NINJ2: variants seen among roughly 807,000 people sequenced by gnomAD.
The protein encoded by NINJ2 is ninjurin 2, also known as ninjurin-2.
NINJ2 carries 12 observed loss-of-function variants against 11.7 expected under a neutral mutation model. The ratio of observed to expected loss-of-function variants is 1.02; its 90% CI spans 0.66 to 1.66. The LOEUF (loss-of-function observed/expected upper bound fraction) is 1.66. NINJ2 is among the 40% of genes most tolerant of loss of function. NINJ2 has a pLI of 0.00. For missense variants in NINJ2, 187 were observed against 181.8 expected, an observed-to-expected ratio of 1.03 and a Z score of -0.16; for synonymous variants, 93 against 76.8, an observed-to-expected ratio of 1.21 and a Z score of -1.10.
At chr12:607,351 GGATGATGAT>G (rs10592628) in intron 1 of NINJ2, among the ~76,000 whole-genome samples, 11 of 150,694 alleles carry the variant, frequency 7.3e-5, no homozygotes, top group Non-Finnish European at 1.0e-4. Flanking sequence ...ACTCTGTAAG[GGATGATGAT>G]GATGATGATG....
At chr12:572,572 G>A (rs548641286) in intron 1 of NINJ2, among the ~76,000 whole-genome samples, 2 of 152,190 alleles carry the variant, frequency 1.3e-5, no homozygotes, top group South Asian at 2.1e-4. Context: ...CACTTGGGAA[G>A]GGTGCCTGGG....
chr12:585,524 AGGGAACGG>A lies in NINJ2; in HGVS notation c.34-19354_34-19347del, dbSNP rs1383601221. Among the ~76,000 whole-genome samples, 7 of 149,718 alleles carry A rather than the reference AGGGAACGG, an allele frequency of 4.7e-5. No homozygotes were observed. The highest frequency in any genetic ancestry group is 7.3e-5 in the African/African-American group (3 of 40,866). ...GAAGGGAACGGTTGGAGGGAAGGGA[AGGGAACGG>A]TTGGAGGGAAGGGAAGGGAACGGTT... On this transcript the variant is annotated intron_variant, in intron 1 of 3. Transcript: ENST00000305108. This position sits in a 1 kb window ranked among gnomAD's most constrained non-coding sequence, Gnocchi z 4.1.
chr12:587,984 G>A (rs1186286168), intron 1 of NINJ2, among the ~76,000 whole-genome samples: 1 of 151,792 alleles, frequency 6.6e-6, no homozygotes, highest in Non-Finnish European at 1.5e-5. Flanking sequence ...TCCATGAAGG[G>A]AGGGGACGAC....
chr12:589,851 T>C (rs1184754864), intron 1 of NINJ2, among the ~76,000 whole-genome samples: 1 of 151,900 alleles, frequency 6.6e-6, no homozygotes, highest in Non-Finnish European at 1.5e-5. Flanking sequence ...GGGGGGATTG[T>C]CTCCTGGACT....
chr12:618,334 TTGG>T (rs1948117791), intron 1 of NINJ2, among the ~76,000 whole-genome samples: 2 of 13,536 alleles, frequency 1.5e-4, no homozygotes, highest in Non-Finnish European at 2.8e-4. Flanking sequence ...GGGTGAGGAG[TTGG>T]TAATAAGGTG....
chr12:657,424 T>C (rs1002049873), intron 1 of NINJ2, among the ~76,000 whole-genome samples: 63 of 151,998 alleles, frequency 4.1e-4, no homozygotes, highest in African/African-American at 1.2e-3. Context: ...CCCGCCTCTA[T>C]TAAAAATACA....
chr12:650,151 C>T (rs570390076), intron 1 of NINJ2, among the ~76,000 whole-genome samples: 1 of 150,180 alleles, frequency 6.7e-6, no homozygotes, highest in Admixed American at 6.7e-5. Flanking sequence ...GTGGTGTGAT[C>T]TCAGCTCACT....
chr12:604,757 C>T (rs540648187), intron 1 of NINJ2, among the ~76,000 whole-genome samples: 1 of 152,268 alleles, frequency 6.6e-6, no homozygotes, highest in South Asian at 2.1e-4. Context: ...GAGGTAGGGA[C>T]GAGGTACAGA....
chr12:604,495 G>A (rs573347757), intron 1 of NINJ2, among the ~76,000 whole-genome samples: 54 of 152,198 alleles, frequency 3.5e-4, no homozygotes, highest in African/African-American at 1.0e-3. Flanking sequence ...AAAATTAGCC[G>A]GGCGTGGTGG....
intron 1 of NINJ2, among the ~76,000 whole-genome samples, chr12:608,462 A>C (rs1947967440): frequency 6.6e-6 from 1 of 152,248 alleles, no homozygotes; most frequent in South Asian, 2.1e-4. Context: ...CATGAGGTCA[A>C]ATACAATTGC....
At chr12:643,699 G>A (rs1937630263) in intron 1 of NINJ2, 1 of 987,968 alleles carries the variant, frequency 1.0e-6, no homozygotes, top group African/African-American at 1.7e-5. Context: ...ACCGCAACGA[G>A]TCTGCCATCA....
At chr12:587,284 G>C (rs1947652583) in intron 1 of NINJ2, among the ~76,000 whole-genome samples, 1 of 152,208 alleles carries the variant, frequency 6.6e-6, no homozygotes, top group Non-Finnish European at 1.5e-5. Context: ...CCCTCCACAG[G>C]AAGCAGGCCC....
intron 1 of NINJ2, among the ~76,000 whole-genome samples, chr12:652,258 G>T (rs1937806439): frequency 6.6e-6 from 1 of 152,198 alleles, no homozygotes; most frequent in South Asian, 2.1e-4. Context: ...AGAAGAAAGT[G>T]GAGTGAAATC....
intron 1 of NINJ2, among the ~76,000 whole-genome samples, chr12:595,507 G>A (rs756641188): frequency 6.6e-6 from 1 of 152,234 alleles, no homozygotes; most frequent in Admixed American, 6.5e-5. Flanking sequence ...AGGCGTGGTG[G>A]CTCACGACTG....
intron 1 of NINJ2, among the ~76,000 whole-genome samples, chr12:596,940 A>T (rs925178979): frequency 1.3e-5 from 2 of 152,074 alleles, no homozygotes; most frequent in Non-Finnish European, 2.9e-5. Flanking sequence ...AAACAAAAAA[A>T]AATGGCAGAA....
chr12:623,910 C>G (rs571133729), intron 1 of NINJ2, among the ~76,000 whole-genome samples: 2 of 152,210 alleles, frequency 1.3e-5, no homozygotes, highest in South Asian at 4.2e-4. Flanking sequence ...TGTGCACACG[C>G]CTGTAGTCCC....
At chr12:625,819 A>C (rs1199592864) in intron 1 of NINJ2, among the ~76,000 whole-genome samples, 1 of 152,220 alleles carries the variant, frequency 6.6e-6, no homozygotes, top group East Asian at 1.9e-4. Flanking sequence ...GGAACGGATA[A>C]GCAATTTTTA....
intron 1 of NINJ2, among the ~76,000 whole-genome samples, chr12:587,177 G>T (rs1947650802): frequency 6.6e-6 from 1 of 152,194 alleles, no homozygotes. Context: ...CTAGAGTCCT[G>T]ATCTGGGTCA....
intron 1 of NINJ2, among the ~76,000 whole-genome samples, chr12:583,657 G>A (rs758793): frequency 0.27 from 41,087 of 152,154 alleles, 5,897 homozygotes; most frequent in South Asian, 0.37. Context: ...CCAACCCTGA[G>A]CCCAACCAAA....
Sources: allele counts gnomAD v4.1 joint callset (sites outside exome capture counted in the v4.1 genomes callset), GRCh38; gene constraint gnomAD v4.1.1; non-coding constraint Gnocchi (gnomAD v3.1); transcripts MANE v1.5; gene names NCBI Gene and HGNC (gene_info 2026-07-23, HGNC 2026-07-21).